Variants in ZMAT4 observed in about 807,000 individuals in gnomAD.
The protein encoded by ZMAT4 is zinc finger matrin-type protein 4.
Under a neutral mutation model 28.7 loss-of-function variants are expected in ZMAT4, and 17 were observed. The ratio of observed to expected loss-of-function variants is 0.59; its 90% confidence interval spans 0.41 to 0.89. ZMAT4 has a LOEUF of 0.89. Among genes scored for constraint, ZMAT4 ranks in the 40% least tolerant of loss-of-function variants. ZMAT4 has a pLI of 0.00. For missense variants in ZMAT4, 240 were observed against 283.8 expected, an observed-to-expected ratio of 0.85 and a Z score of 1.11; for synonymous variants, 117 against 109.2, an observed-to-expected ratio of 1.07 and a Z score of -0.44.
At chr8:40,555,423 A>G (rs1803503753) in intron 6 of ZMAT4, among the ~76,000 whole-genome samples, 1 of 152,188 alleles carries the variant, frequency 6.6e-6, no homozygotes. Flanking sequence ...ACAGTCTTCA[A>G]GATTAACAAC....
intron 2 of ZMAT4, among the ~76,000 whole-genome samples, chr8:40,767,956 G>A (rs1344402404): frequency 6.6e-6 from 1 of 152,162 alleles, no homozygotes; most frequent in Admixed American, 6.5e-5. Context: ...AATGAAGAAG[G>A]TGAAGGCATT....
chr8:40,561,099 A>G (rs1320032882), intron 6 of ZMAT4, among the ~76,000 whole-genome samples: 2 of 152,204 alleles, frequency 1.3e-5, no homozygotes, highest in Non-Finnish European at 2.9e-5. Context: ...TCTTTGATTT[A>G]TAAGCTTTTC....
intron 6 of ZMAT4, among the ~76,000 whole-genome samples, chr8:40,571,832 G>T (rs944677004): frequency 6.6e-6 from 1 of 151,916 alleles, no homozygotes; most frequent in South Asian, 2.1e-4. Context: ...TTTTCTTATG[G>T]CCTGTTATCT....
At chr8:40,851,091 C>A (rs995722488) in intron 1 of ZMAT4, among the ~76,000 whole-genome samples, 1 of 152,092 alleles carries the variant, frequency 6.6e-6, no homozygotes, top group Non-Finnish European at 1.5e-5. Flanking sequence ...CTTTGGGAGA[C>A]CGCGGTAGGC....
chr8:40,688,510 C>T (rs563850160), intron 4 of ZMAT4, among the ~76,000 whole-genome samples: 8 of 152,056 alleles, frequency 5.3e-5, no homozygotes, highest in African/African-American at 1.7e-4. Context: ...TTGTTGGGCC[C>T]CTTTAATCTC....
chr8:40,879,414 C>T (rs745975533), intron 1 of ZMAT4, among the ~76,000 whole-genome samples: 6 of 152,130 alleles, frequency 3.9e-5, no homozygotes, highest in Non-Finnish European at 5.9e-5. Flanking sequence ...CAAAGTGAGA[C>T]CCTGTCTCTT....
chr8:40,754,476 G>A (rs1812589852), intron 3 of ZMAT4, among the ~76,000 whole-genome samples: 1 of 152,096 alleles, frequency 6.6e-6, no homozygotes, highest in South Asian at 2.1e-4. Flanking sequence ...TTGGTCTCAG[G>A]CCGAGAAAAT....
chr8:40,535,320 C>G (rs1802812258), intron 6 of ZMAT4, among the ~76,000 whole-genome samples: 1 of 152,138 alleles, frequency 6.6e-6, no homozygotes, highest in Non-Finnish European at 1.5e-5. Context: ...TAGGGGGATT[C>G]TCTGACCTGG....
intron 2 of ZMAT4, among the ~76,000 whole-genome samples, chr8:40,777,481 C>G (rs1052610206): frequency 1.3e-5 from 2 of 152,204 alleles, no homozygotes; most frequent in Non-Finnish European, 2.9e-5. Flanking sequence ...CCCCGGGCCT[C>G]CCAGGCAGCC....
intron 6 of ZMAT4, among the ~76,000 whole-genome samples, chr8:40,562,003 G>T (rs551419959): frequency 1.3e-5 from 2 of 152,266 alleles, no homozygotes; most frequent in African/African-American, 4.8e-5. Flanking sequence ...TTCTCTGACT[G>T]AAGTCAGTCA....
chr8:40,609,493 T>G (rs1805717581), intron 5 of ZMAT4, among the ~76,000 whole-genome samples: 2 of 152,170 alleles, frequency 1.3e-5, no homozygotes, highest in South Asian at 2.1e-4. Flanking sequence ...TTTTTCTGGA[T>G]AGCAACATGC....
intron 2 of ZMAT4, among the ~76,000 whole-genome samples, chr8:40,799,210 G>GATGT (rs1173411527): frequency 7.3e-5 from 9 of 124,088 alleles, no homozygotes; most frequent in Non-Finnish European, 1.5e-4. Context: ...TAGATGGGTG[G>GATGT]ATGGATGGAT....
At chr8:40,564,285 T>A (rs1374859259) in intron 6 of ZMAT4, among the ~76,000 whole-genome samples, 4 of 152,168 alleles carry the variant, frequency 2.6e-5, no homozygotes, top group Non-Finnish European at 5.9e-5. Flanking sequence ...ATCACTTCTC[T>A]TTTTATAAGT....
At chr8:40,701,468 C>G (rs549441615) in intron 3 of ZMAT4, among the ~76,000 whole-genome samples, 1 of 149,900 alleles carries the variant, frequency 6.7e-6, no homozygotes, top group Non-Finnish European at 1.5e-5. Context: ...CTAACACTAA[C>G]TGCTCTAATG....
intron 5 of ZMAT4, among the ~76,000 whole-genome samples, chr8:40,595,443 CATG>C (rs1805058196): frequency 6.6e-6 from 1 of 152,194 alleles, no homozygotes; most frequent in South Asian, 2.1e-4. Context: ...CTGAGAAATG[CATG>C]ATAAGGGAAT....
intron 1 of ZMAT4, among the ~76,000 whole-genome samples, chr8:40,895,538 C>G (rs1240627610): frequency 6.6e-6 from 1 of 152,116 alleles, no homozygotes; most frequent in Non-Finnish European, 1.5e-5. Context: ...TGGGGAAATA[C>G]AAGAAAGAGG....
chr8:40,789,938 G>GA (rs985478737), intron 2 of ZMAT4, among the ~76,000 whole-genome samples: 1 of 151,976 alleles, frequency 6.6e-6, no homozygotes, highest in Non-Finnish European at 1.5e-5. Context: ...GAACCAACTG[G>GA]AAAAAAAGCC....
At chr8:40,894,448 A>G (rs1340770740) in intron 1 of ZMAT4, among the ~76,000 whole-genome samples, 2 of 152,154 alleles carry the variant, frequency 1.3e-5, no homozygotes, top group Non-Finnish European at 2.9e-5. Context: ...GAAGAAACAA[A>G]AAGTAACCAG....
chr8:40,824,715 TGAAA>T lies in ZMAT4; in HGVS notation c.102+856_102+859del, dbSNP rs60779807. ...ATAAAGAAAGAAAGAAAAGAAAGAATGAAAGAAAGAAAGAAAGAAGAAAGAAAGA... is the reference window on the plus strand; with the variant it reads ...ATAAAGAAAGAAAGAAAAGAAAGAATGAAAGAAAGAAAGAAGAAAGAAAGA... On this transcript the variant is annotated intron_variant, in intron 2 of 6. Coordinates refer to ENST00000297737, the MANE Select transcript of ZMAT4 (RefSeq NM_024645.3). Among the ~76,000 whole-genome samples the T allele has an allele frequency of 8.6e-3, 953 of 110,372 alleles. 7 individuals are homozygous for T. The highest frequency in any genetic ancestry group is 0.026 in the African/African-American group (778 of 29,936). 72.4% of individuals were successfully genotyped at this position (110,372 alleles called of 152,430 possible).
Sources: allele counts gnomAD v4.1 joint callset (sites outside exome capture counted in the v4.1 genomes callset), GRCh38; gene constraint gnomAD v4.1.1; transcripts MANE v1.5; gene names NCBI Gene and HGNC (gene_info 2026-07-23, HGNC 2026-07-21).